Variants in IL1RAPL2 observed in about 807,000 individuals in gnomAD.
The protein encoded by IL1RAPL2 is X-linked interleukin-1 receptor accessory protein-like 2.
In IL1RAPL2, 3 loss-of-function variants were observed where a neutral mutation model predicts 44.1. That is an observed-to-expected ratio of 0.07 (90% confidence interval 0.03 to 0.18). The LOEUF is 0.18. Among genes scored for constraint, IL1RAPL2 ranks in the 10% least tolerant of loss-of-function variants. The pLI is 1.00. For missense variants in IL1RAPL2, 391 were observed against 496.4 expected (o/e 0.79, Z 2.02); for synonymous variants, 181 against 178.8 (o/e 1.01, Z -0.10).
chrX:104,905,156 T>A (rs1218885534), intron 2 of IL1RAPL2, among the ~76,000 whole-genome samples: 1 of 112,003 alleles, frequency 8.9e-6, no homozygotes, highest in Non-Finnish European at 1.9e-5. Flanking sequence ...GGTTGTTTGT[T>A]TTTTTCTTGT....
rs1044827881 is a variant in IL1RAPL2, at chrX:104,888,417, G to T, written c.82+229422G>T. Among the ~76,000 whole-genome samples the T allele has an allele frequency of 3.6e-5, 4 of 110,673 alleles. No homozygotes were observed. The Admixed American group carries it at 3.8e-4, about 11-fold the overall frequency. ...GACGAAGAAGTCAAAGAGAAAGAAA[G>T]ACCTTCTTTCTATCTTCCTTCTTTC... On this transcript the variant is annotated intron_variant, in intron 2 of 10. Transcript: ENST00000372582.
At chrX:104,604,256 T>C (rs1373312584) in intron 1 of IL1RAPL2, among the ~76,000 whole-genome samples, 2 of 111,750 alleles carry the variant, frequency 1.8e-5, no homozygotes, top group Non-Finnish European at 3.8e-5. Flanking sequence ...AAGCAAATGC[T>C]GAGAGATTTC....
At chrX:105,740,831 T>G in intron 8 of IL1RAPL2, 140 bp downstream of exon 8, 1 of 506,303 alleles carries the variant, frequency 2.0e-6, no homozygotes, top group Non-Finnish European at 3.2e-6. Context: ...GATATTTCTC[T>G]TGCTCTGCAT....
At chrX:105,708,651 T>C (rs769928542) in intron 6 of IL1RAPL2, among the ~76,000 whole-genome samples, 37 of 112,021 alleles carry the variant, frequency 3.3e-4, no homozygotes, top group Non-Finnish European at 6.6e-4. Flanking sequence ...GTTCTATTTT[T>C]ACTACTCTCT....
chrX:104,845,603 T>C (rs762904023), intron 2 of IL1RAPL2, among the ~76,000 whole-genome samples: 1 of 112,152 alleles, frequency 8.9e-6, no homozygotes, highest in South Asian at 3.8e-4. Flanking sequence ...GATTGTCTCA[T>C]GGAAAATTGA....
intron 2 of IL1RAPL2, among the ~76,000 whole-genome samples, chrX:104,844,324 C>A (rs1029840365): frequency 9.0e-6 from 1 of 111,256 alleles, no homozygotes; most frequent in Non-Finnish European, 1.9e-5. Context: ...AAGTAAGTAC[C>A]ATGGGTCATT....
rs775947054 is a variant in IL1RAPL2, at chrX:105,047,377, A to C, written c.83-148098A>C. On this transcript the variant is annotated intron_variant, in intron 2 of 10. Coordinates refer to ENST00000372582, the MANE Select transcript of IL1RAPL2 (RefSeq NM_017416.2). ...CCATTTTACTCTGTGTAAAATTGGC[A>C]TGCTGTTTTAGCCAATTAAAACGGA... 2.7e-5 allele frequency among the ~76,000 whole-genome samples: 3 copies of C among 111,905 alleles called. No individual in the cohort carries two copies. In the South Asian group the frequency reaches 1.1e-3, roughly 42 times the overall value.
intron 6 of IL1RAPL2, among the ~76,000 whole-genome samples, chrX:105,557,616 C>CA (rs747292793): frequency 1.9e-4 from 21 of 110,865 alleles, no homozygotes; most frequent in Non-Finnish European, 3.2e-4. Flanking sequence ...GGGACCAATA[C>CA]AAAAAAATCT....
At chrX:104,619,054 TCTC>T (rs1412352119) in intron 1 of IL1RAPL2, among the ~76,000 whole-genome samples, 1 of 111,524 alleles carries the variant, frequency 9.0e-6, no homozygotes, top group Non-Finnish European at 1.9e-5. Flanking sequence ...CTGTAGCAGC[TCTC>T]CTCCTGCCTG....
intron 6 of IL1RAPL2, among the ~76,000 whole-genome samples, chrX:105,485,534 A>G (rs1391763926): frequency 9.0e-6 from 1 of 111,357 alleles, no homozygotes; most frequent in East Asian, 2.8e-4. Flanking sequence ...CTGTTGTGCT[A>G]TTAAATACTA....
At chrX:104,939,110 G>A (rs1156391963) in intron 2 of IL1RAPL2, among the ~76,000 whole-genome samples, 2 of 103,068 alleles carry the variant, frequency 1.9e-5, no homozygotes, top group Admixed American at 1.1e-4. Flanking sequence ...AGGCTGGAGC[G>A]CAGTGGTGCG....
chrX:105,625,972 A>T lies in IL1RAPL2; in HGVS notation c.773-91395A>T, dbSNP rs989892348. ...ACAGTATCTCTCCCAATGCTTGTTA[A>T]TCTGAATTTATAGCACATTGATCTA... is the stretch of plus-strand genomic sequence containing the variant. On this transcript the variant is annotated intron_variant, in intron 6 of 10. Coordinates refer to ENST00000372582, the MANE Select transcript of IL1RAPL2 (RefSeq NM_017416.2). Among the ~76,000 whole-genome samples the T allele has an allele frequency of 5.4e-5, 6 of 112,052 alleles. No homozygotes were observed. The East Asian group carries it at 1.7e-3, about 32-fold the overall frequency.
At chrX:105,599,830 G>C (rs1602484017) in intron 6 of IL1RAPL2, among the ~76,000 whole-genome samples, 1 of 110,594 alleles carries the variant, frequency 9.0e-6, no homozygotes, top group Admixed American at 9.7e-5. Context: ...CTATGACATT[G>C]AGGAAATGGC....
At chrX:104,669,744 T>C (rs1930557089) in intron 2 of IL1RAPL2, among the ~76,000 whole-genome samples, 1 of 112,030 alleles carries the variant, frequency 8.9e-6, no homozygotes. Context: ...CAATCCAGTC[T>C]TTATGTCTCC....
At chrX:105,710,026 C>A (rs953910124) in intron 6 of IL1RAPL2, among the ~76,000 whole-genome samples, 1 of 111,219 alleles carries the variant, frequency 9.0e-6, no homozygotes, top group African/African-American at 3.3e-5. Flanking sequence ...CAACAATACT[C>A]CTTTAACCAA....
intron 2 of IL1RAPL2, among the ~76,000 whole-genome samples, chrX:104,852,801 T>A (rs1007371377): frequency 1.3e-4 from 15 of 112,110 alleles, no homozygotes; most frequent in African/African-American, 4.9e-4. Context: ...TTTGTGCTAC[T>A]GCATCTGCCA....
intron 5 of IL1RAPL2, among the ~76,000 whole-genome samples, chrX:105,335,675 C>T (rs756551048): frequency 9.0e-6 from 1 of 111,068 alleles, no homozygotes; most frequent in Non-Finnish European, 1.9e-5. Flanking sequence ...AAAATCTTTC[C>T]AGTCGACCAC....
chrX:105,490,660 A>G (rs1256149829), intron 6 of IL1RAPL2, among the ~76,000 whole-genome samples: 1 of 112,481 alleles, frequency 8.9e-6, no homozygotes, highest in Non-Finnish European at 1.9e-5. Flanking sequence ...AAATTAGGAA[A>G]TAAGCTATTC....
At chrX:105,409,444 C>G (rs1430230746) in intron 5 of IL1RAPL2, among the ~76,000 whole-genome samples, 2 of 111,772 alleles carry the variant, frequency 1.8e-5, no homozygotes, top group East Asian at 5.6e-4. Context: ...CATCTCTGCT[C>G]TCACAAAGAT....
Sources: gnomAD v4.1 joint callset for allele counts (sites outside exome capture counted in the v4.1 genomes callset) on GRCh38, gnomAD v4.1.1 for gene constraint, MANE v1.5 for transcripts, NCBI Gene and HGNC (gene_info 2026-07-23, HGNC 2026-07-21) for gene names.